ELP4: variants seen among roughly 807,000 people sequenced by gnomAD.
ELP4 encodes the protein elongator complex protein 4.
A neutral mutation model predicts 48.9 loss-of-function variants in ELP4; 51 were observed. The observed-to-expected ratio is 1.04, with a 90% CI of 0.83 to 1.32. ELP4 has a LOEUF of 1.32. Ranked by LOEUF, ELP4 falls within the 40% of genes most tolerant of loss-of-function variation. ELP4 has a pLI of 0.00. For synonymous variants in ELP4, 210 were observed against 189.2 expected, an observed-to-expected ratio of 1.11 and a Z score of -0.90; for missense variants, 519 against 514.6, an observed-to-expected ratio of 1.01 and a Z score of -0.08.
chr11:31,640,810 A>G (rs911282469), intron 7 of ELP4, among the ~76,000 whole-genome samples: 3 of 151,978 alleles, frequency 2.0e-5, no homozygotes, highest in Admixed American at 2.0e-4. Flanking sequence ...TCTAGAAGCA[A>G]GTGCCAGTTC....
At chr11:31,755,074 A>G (rs1015305473) in intron 9 of ELP4, among the ~76,000 whole-genome samples, 48 of 152,194 alleles carry the variant, frequency 3.2e-4, no homozygotes, top group African/African-American at 1.1e-3. Context: ...GTAAGGAAAC[A>G]TTTAAAGAAA....
At chr11:31,728,351 A>G (rs1396395724) in intron 9 of ELP4, among the ~76,000 whole-genome samples, 2 of 152,176 alleles carry the variant, frequency 1.3e-5, no homozygotes, top group Admixed American at 6.5e-5. Flanking sequence ...GAATAAAAGC[A>G]TAGAATTAAC....
At chr11:31,576,526 A>G (rs1957282179) in intron 3 of ELP4, among the ~76,000 whole-genome samples, 1 of 152,186 alleles carries the variant, frequency 6.6e-6, no homozygotes, top group South Asian at 2.1e-4. Flanking sequence ...TCCTAAATTG[A>G]CCACATAGTT....
intron 3 of ELP4, chr11:31,580,570 T>TACAC (rs944175715): frequency 1.3e-5 from 2 of 152,340 alleles, no homozygotes; most frequent in African/African-American, 4.8e-5. Context: ...TCACACACCA[T>TACAC]ACACACACAC....
At chr11:31,543,115 G>A (rs1956619507) in intron 3 of ELP4, among the ~76,000 whole-genome samples, 1 of 152,004 alleles carries the variant, frequency 6.6e-6, no homozygotes, top group African/African-American at 2.4e-5. Flanking sequence ...AAATAGACTG[G>A]GGAAAAAAAA....
At chr11:31,536,266 G>GGTAA (rs1956500051) in intron 2 of ELP4, among the ~76,000 whole-genome samples, 1 of 151,772 alleles carries the variant, frequency 6.6e-6, no homozygotes, top group African/African-American at 2.4e-5. Flanking sequence ...AACTCTCATG[G>GGTAA]GTAAGTACCC....
chr11:31,653,975 T>G (rs1027895780), intron 9 of ELP4: 1 of 151,812 alleles, frequency 6.6e-6, no homozygotes, highest in Non-Finnish European at 1.5e-5. Flanking sequence ...TTTGATGACA[T>G]AAGTGCAACA....
chr11:31,727,538 G>A (rs780439336), intron 9 of ELP4, among the ~76,000 whole-genome samples: 1 of 152,062 alleles, frequency 6.6e-6, no homozygotes, highest in African/African-American at 2.4e-5. Flanking sequence ...TACTGTGTTC[G>A]CTTACTCTTG....
chr11:31,563,013 C>G (rs1324443381), intron 3 of ELP4, among the ~76,000 whole-genome samples: 1 of 151,906 alleles, frequency 6.6e-6, no homozygotes, highest in East Asian at 1.9e-4. Context: ...TGATTTTTTT[C>G]TGTTTTCCAA....
chr11:31,734,335 C>G (rs1446123619), intron 9 of ELP4, among the ~76,000 whole-genome samples: 1 of 152,086 alleles, frequency 6.6e-6, no homozygotes, highest in African/African-American at 2.4e-5. Context: ...CCACTTCTAT[C>G]GAACGTAGTA....
At chr11:31,747,000 A>G (rs1360078412) in intron 9 of ELP4, among the ~76,000 whole-genome samples, 1 of 151,948 alleles carries the variant, frequency 6.6e-6, no homozygotes, top group Non-Finnish European at 1.5e-5. Flanking sequence ...AGACTTTTAA[A>G]TATATATGCT....
intron 1 of ELP4, among the ~76,000 whole-genome samples, chr11:31,516,702 G>T (rs1259057588): frequency 6.6e-6 from 1 of 152,112 alleles, no homozygotes; most frequent in Non-Finnish European, 1.5e-5. Flanking sequence ...ATTTTGTCCA[G>T]GCTTGTCTCA....
At chr11:31,715,055 C>A (rs1946816367) in intron 9 of ELP4, 4 of 358,884 alleles carry the variant, frequency 1.1e-5, no homozygotes, top group African/African-American at 2.1e-5. Flanking sequence ...CATCAGTAAC[C>A]ACTATGATAG....
intron 9 of ELP4, chr11:31,763,689 T>G: frequency 1.1e-6 from 1 of 918,418 alleles, no homozygotes; most frequent in Middle Eastern, 3.2e-4. Flanking sequence ...GATTAAACTT[T>G]ACAGCTAAAA....
At position 31,784,237 on chromosome 11, in the gene ELP4, G is replaced by C. The variant is rs1056433240; in HGVS notation, c.*713G>C. 1.3e-5 allele frequency: 2 copies of C among 152,162 alleles called. No individual in the cohort carries two copies. Among genetic ancestry groups the C allele is most frequent in the Admixed American group, 6.5e-5 (1 of 15,278 alleles). 9.4% of individuals were successfully genotyped at this position (152,162 alleles called of 1,614,324 possible). On this transcript the variant is annotated 3_prime_UTR_variant, in exon 10 of 10. Coordinates refer to ENST00000640961, the MANE Select transcript of ELP4 (RefSeq NM_019040.5). ...AAACTGACAGCTACATTAATGCTAG[G>C]ATACCAGGAGAAAAACATATACTGA...
chr11:31,536,698 A>G (rs916264561), intron 2 of ELP4, among the ~76,000 whole-genome samples: 3 of 152,216 alleles, frequency 2.0e-5, no homozygotes, highest in African/African-American at 7.2e-5. Flanking sequence ...CATTGCAACT[A>G]ACAATGTTGG....
intron 8 of ELP4, 31 bp from the exon 9 acceptor site, chr11:31,650,084 A>AT: frequency 2.7e-5 from 25 of 924,514 alleles, no homozygotes; most frequent in South Asian, 7.4e-5. Flanking sequence ...AATGTTTTAA[A>AT]TTTTTTTTCT....
At chr11:31,712,787 T>C (rs1946768874) in intron 9 of ELP4, among the ~76,000 whole-genome samples, 1 of 152,176 alleles carries the variant, frequency 6.6e-6, no homozygotes, top group South Asian at 2.1e-4. Flanking sequence ...AGTAACAAGA[T>C]AATACAGCTG....
intron 9 of ELP4, among the ~76,000 whole-genome samples, chr11:31,748,376 C>G (rs766515155): frequency 6.6e-6 from 1 of 151,954 alleles, no homozygotes; most frequent in Non-Finnish European, 1.5e-5. Context: ...TCCCCAGTAG[C>G]TGGGACTACA....
Sources: gnomAD v4.1 joint callset for allele counts (sites outside exome capture counted in the v4.1 genomes callset) on GRCh38, gnomAD v4.1.1 for gene constraint, MANE v1.5 for transcripts, NCBI Gene and HGNC (gene_info 2026-07-23, HGNC 2026-07-21) for gene names.